The following ZNF385B variants were observed in gnomAD, a reference collection of about 807,000 sequenced individuals.
ZNF385B encodes zinc finger protein 385B.
A neutral mutation model predicts 39.2 loss-of-function variants in ZNF385B; 23 were observed. The ratio of observed to expected loss-of-function variants is 0.59; its 90% CI spans 0.42 to 0.83. ZNF385B has a LOEUF of 0.83. ZNF385B is among the 40% of genes least tolerant of loss of function. The pLI is 0.00. For missense variants in ZNF385B, 552 were observed against 598.9 expected (o/e 0.92, Z 0.82); for synonymous variants, 205 against 222.6 (o/e 0.92, Z 0.70).
chr2:179,755,480 A>G (rs1274940207), intron 3 of ZNF385B, among the ~76,000 whole-genome samples: 1 of 152,148 alleles, frequency 6.6e-6, no homozygotes, highest in East Asian at 1.9e-4. Flanking sequence ...AAAGTCCTGG[A>G]TATCCTTGTT....
intron 3 of ZNF385B, among the ~76,000 whole-genome samples, chr2:179,641,631 C>G (rs1482152949): frequency 6.6e-6 from 1 of 152,060 alleles, no homozygotes; most frequent in Non-Finnish European, 1.5e-5. Flanking sequence ...AAAATTGAAC[C>G]TCTATGGTTC....
intron 3 of ZNF385B, among the ~76,000 whole-genome samples, chr2:179,573,748 G>A (rs76388276): frequency 0.21 from 31,773 of 151,948 alleles, 3,835 homozygotes; most frequent in African/African-American, 0.33. Flanking sequence ...GGCTTCATAA[G>A]TATTTTAAGT....
intron 3 of ZNF385B, among the ~76,000 whole-genome samples, chr2:179,550,750 G>T (rs2060510677): frequency 6.7e-6 from 1 of 149,142 alleles, no homozygotes; most frequent in Admixed American, 6.7e-5. Context: ...TTTTGAACAA[G>T]TTATTTCATG....
At chr2:179,516,454 T>A (rs2058096422) in intron 5 of ZNF385B, among the ~76,000 whole-genome samples, 1 of 152,130 alleles carries the variant, frequency 6.6e-6, no homozygotes, top group South Asian at 2.1e-4. Context: ...ATCCTATCAA[T>A]TTGTTTAATT....
chr2:179,776,061 T>C (rs929049068), intron 1 of ZNF385B, among the ~76,000 whole-genome samples: 1 of 152,222 alleles, frequency 6.6e-6, no homozygotes, highest in Non-Finnish European at 1.5e-5. Context: ...CCTGGAACTG[T>C]TGAAGCTCAA....
chr2:179,555,122 GA>G (rs1438938720), intron 3 of ZNF385B, among the ~76,000 whole-genome samples: 2 of 149,678 alleles, frequency 1.3e-5, no homozygotes, highest in Non-Finnish European at 3.0e-5. Context: ...ATGTTTGCAT[GA>G]TGAAACATTC....
At position 179,533,321 on chromosome 2, in the gene ZNF385B, A is replaced by G. The variant is rs116731009; in HGVS notation, c.441+11506T>C. Among the ~76,000 whole-genome samples, 570 of 152,314 alleles carry G rather than the reference A, an allele frequency of 3.7e-3. 1 individual carries two copies. The highest frequency in any genetic ancestry group is 0.012 in the African/African-American group (516 of 41,562). ...ACTCCCCCCACCACCTCAGAAGTCTAAAGACTGGTAGATTTATCTGCTGTT... is the reference window on the plus strand; with the variant it reads ...ACTCCCCCCACCACCTCAGAAGTCTGAAGACTGGTAGATTTATCTGCTGTT... On this transcript the variant is annotated intron_variant, in intron 4 of 9. Transcript: ENST00000410066.
At chr2:179,853,100 T>C (rs568054971) in intron 1 of ZNF385B, among the ~76,000 whole-genome samples, 5 of 152,342 alleles carry the variant, frequency 3.3e-5, no homozygotes, top group Admixed American at 3.3e-4. Flanking sequence ...GCCAATTATA[T>C]CTTTCTCTTA....
chr2:179,608,979 A>C (rs1452198633), intron 3 of ZNF385B, among the ~76,000 whole-genome samples: 1 of 151,914 alleles, frequency 6.6e-6, no homozygotes, highest in African/African-American at 2.4e-5. Flanking sequence ...TATGGGGTAC[A>C]TGAGATATTT....
At chr2:179,511,549 CA>C (rs774178304) in intron 5 of ZNF385B, among the ~76,000 whole-genome samples, 15 of 152,036 alleles carry the variant, frequency 9.9e-5, no homozygotes, top group Non-Finnish European at 2.1e-4. Context: ...ATGGATGTAC[CA>C]ATTACACACT....
chr2:179,579,916 CACTT>C (rs976469464), intron 3 of ZNF385B, among the ~76,000 whole-genome samples: 2 of 152,074 alleles, frequency 1.3e-5, no homozygotes, highest in African/African-American at 4.8e-5. Context: ...GTAACTTGCC[CACTT>C]ACTGTTAATA....
chr2:179,444,844 A>G, intron 9 of ZNF385B, 32 bp downstream of exon 9: 1 of 1,590,492 alleles, frequency 6.3e-7, no homozygotes, highest in Non-Finnish European at 8.6e-7. Context: ...AGGCTGCCCC[A>G]CAAAACAGGT....
rs537042099 is a variant in ZNF385B, at chr2:179,455,747, C to A, written c.716-8977G>T. ...TACCAAAAATACAAAAAAAAATTAG[C>A]TAGGCATGTTGGCGCATGCCTGTAA... On this transcript the variant is annotated intron_variant, in intron 6 of 9. Coordinates refer to ENST00000410066, the MANE Select transcript of ZNF385B (RefSeq NM_152520.6). Among the ~76,000 whole-genome samples the A allele has an allele frequency of 9.9e-4, 150 of 151,864 alleles. 3 individuals carry two copies. Among genetic ancestry groups the A allele is most frequent in the Admixed American group, 9.8e-3 (150 of 15,240 alleles).
intron 3 of ZNF385B, among the ~76,000 whole-genome samples, chr2:179,583,219 T>C (rs3106714): frequency 0.23 from 34,476 of 152,014 alleles, 4,642 homozygotes; most frequent in East Asian, 0.65. Context: ...TAGTAAAATG[T>C]TGAGGCTAAA....
intron 1 of ZNF385B, among the ~76,000 whole-genome samples, chr2:179,852,912 C>T (rs893260179): frequency 1.3e-5 from 2 of 152,140 alleles, no homozygotes; most frequent in African/African-American, 4.8e-5. Context: ...AGCTTGATGA[C>T]CACATGCATG....
intron 1 of ZNF385B, among the ~76,000 whole-genome samples, chr2:179,824,178 A>T (rs1371369954): frequency 6.6e-6 from 1 of 152,282 alleles, no homozygotes; most frequent in East Asian, 1.9e-4. Flanking sequence ...AAATGCTAGT[A>T]TCTACTCCAG....
At chr2:179,806,510 G>A (rs907136828) in intron 1 of ZNF385B, among the ~76,000 whole-genome samples, 8 of 152,124 alleles carry the variant, frequency 5.3e-5, no homozygotes, top group African/African-American at 1.9e-4. Context: ...AGATAAGGCT[G>A]ATTAGAGCCG....
chr2:179,471,329 G>T (rs2052752587), intron 6 of ZNF385B, among the ~76,000 whole-genome samples: 1 of 152,126 alleles, frequency 6.6e-6, no homozygotes, highest in African/African-American at 2.4e-5. Flanking sequence ...TTCACATGGA[G>T]AATAGAGAAA....
chr2:179,664,900 T>A (rs1291457237), intron 3 of ZNF385B, among the ~76,000 whole-genome samples: 1 of 152,164 alleles, frequency 6.6e-6, no homozygotes, highest in Non-Finnish European at 1.5e-5. Flanking sequence ...GTGTTTTTAC[T>A]TTTTTTGCAC....
Sources: gnomAD v4.1 joint callset for allele counts (sites outside exome capture counted in the v4.1 genomes callset) on GRCh38, gnomAD v4.1.1 for gene constraint, MANE v1.5 for transcripts, NCBI Gene and HGNC (gene_info 2026-07-23, HGNC 2026-07-21) for gene names.